Variants in MED14 observed in about 807,000 individuals in gnomAD.
The protein encoded by MED14 is mediator of RNA polymerase II transcription subunit 14.
A neutral mutation model predicts 109.0 loss-of-function variants in MED14; 8 were observed. The observed-to-expected ratio is 0.07, with a 90% CI of 0.04 to 0.13. MED14 has a LOEUF of 0.13. MED14 is among the 10% of genes least tolerant of loss of function. MED14 has a pLI of 1.00. For missense variants in MED14, 711 were observed against 1,142.4 expected (o/e 0.62, Z 5.44); for synonymous variants, 399 against 408.7 (o/e 0.98, Z 0.29).
At chrX:40,685,536 C>T (rs1474910607) in intron 16 of MED14, among the ~76,000 whole-genome samples, 1 of 112,551 alleles carries the variant, frequency 8.9e-6, no homozygotes, top group Admixed American at 9.4e-5. Context: ...AAATGAAAAA[C>T]CCTCGTGGGT....
chrX:40,718,269 T>A (rs1931607302), intron 3 of MED14, among the ~76,000 whole-genome samples: 1 of 112,073 alleles, frequency 8.9e-6, no homozygotes, highest in African/African-American at 3.2e-5. Context: ...ACTTTTTAAC[T>A]GGCTTTTACT....
chrX:40,720,285 G>A, intron 3 of MED14, among the ~76,000 whole-genome samples: 1 of 112,152 alleles, frequency 8.9e-6, no homozygotes, highest in Non-Finnish European at 1.9e-5. Context: ...GAGGAGGGCA[G>A]GAGAGGCAGT....
chrX:40,722,637 C>T (rs1179348236), intron 3 of MED14, among the ~76,000 whole-genome samples: 1 of 111,296 alleles, frequency 9.0e-6, no homozygotes, highest in East Asian at 2.8e-4. Flanking sequence ...GAACACCAAG[C>T]AGATTCAGCC....
intron 21 of MED14, among the ~76,000 whole-genome samples, chrX:40,677,951 T>C (rs1929967517): frequency 9.0e-6 from 1 of 111,663 alleles, no homozygotes; most frequent in Admixed American, 9.5e-5. Flanking sequence ...TTACAGACAA[T>C]GATTGCAACC....
chrX:40,664,390 G>C lies in MED14; in HGVS notation c.3365C>G (p.Ala1122Gly), dbSNP rs1353797360. 4 of 1,205,696 alleles carry C rather than the reference G, an allele frequency of 3.3e-6. No homozygotes were observed. Among genetic ancestry groups the C allele is most frequent in the Non-Finnish European group, 4.5e-6 (4 of 892,765 alleles). Reference protein sequence around the residue: ...SPQVSGPSPAARMPGMSPANP... With the variant: ...SPQVSGPSPAGRMPGMSPANP... Reference sequence around the variant, plus strand: ...GGCTGGTGACATTCCAGGCATGCGTGCTGCTGGTGAGGGGCCAGACACTTG... The same window carrying C: ...GGCTGGTGACATTCCAGGCATGCGTCCTGCTGGTGAGGGGCCAGACACTTG... Residue 1122 changes from alanine (A) to glycine (G), a missense_variant, in exon 25 of 31, where the codon GCA (alanine) becomes GGA (glycine). This residue lies in a region of MED14 where 100 missense variants were observed against 147.5 expected (regional missense o/e 0.68). Transcript: ENST00000324817.
chrX:40,696,680 A>T (rs751850341), intron 13 of MED14, among the ~76,000 whole-genome samples: 1 of 111,992 alleles, frequency 8.9e-6, no homozygotes, highest in Non-Finnish European at 1.9e-5. Context: ...AGGTTTCACT[A>T]TACAAGTTAA....
chrX:40,697,851 G>A (rs997710795), intron 12 of MED14, among the ~76,000 whole-genome samples: 2 of 112,036 alleles, frequency 1.8e-5, no homozygotes, highest in African/African-American at 6.5e-5. Context: ...TTGATGAATA[G>A]GGCAAAGACC....
At chrX:40,725,964 G>C (rs1931880469) in intron 3 of MED14, among the ~76,000 whole-genome samples, 1 of 111,983 alleles carries the variant, frequency 8.9e-6, no homozygotes, top group South Asian at 3.7e-4. Flanking sequence ...TATTAGAACT[G>C]ATAAATTCAG....
chrX:40,651,861 G>C lies in MED14; in HGVS notation c.4310C>G (p.Ala1437Gly). 3 of 1,198,052 alleles carry C rather than the reference G, an allele frequency of 2.5e-6. No individual in the cohort carries two copies. The highest frequency in any genetic ancestry group is 3.4e-6 in the Non-Finnish European group (3 of 888,720). ...ATTAGCCATTAAATCACGAACAGCT[G>C]CAAATATTGTGCATTCACCTGCAAC... ...PPRQGECTIFAAVRDLMANLT... is the reference protein window; with the variant it reads ...PPRQGECTIFGAVRDLMANLT... Residue 1437 changes from alanine (A) to glycine (G), a missense_variant, in exon 31 of 31, where the codon GCA becomes GGA. Physicochemically the swap from Ala to Gly is moderately conservative, Grantham distance 60 (BLOSUM62 0). Around this residue, in one of 8 missense-constraint regions of MED14, gnomAD observed 41 missense variants for 66.9 expected, o/e 0.61. Transcript: ENST00000324817.
At position 40,667,224 on chromosome X, in the gene MED14, G is replaced by A. The variant is rs73469389; in HGVS notation, c.3134-373C>T. Among the ~76,000 whole-genome samples, 709 of 112,063 alleles carry A rather than the reference G, an allele frequency of 6.3e-3. 4 individuals are homozygous for A. The highest frequency in any genetic ancestry group is 0.022 in the African/African-American group (681 of 30,834). On this transcript the variant is annotated intron_variant, in intron 23 of 30. Coordinates refer to ENST00000324817, the MANE Select transcript of MED14 (RefSeq NM_004229.4). ...CACAAAGCTTATATTCTAATAGAAT[G>A]AGAAAGACAAGTATCTGTCAGGTAA...
intron 1 of MED14, among the ~76,000 whole-genome samples, chrX:40,733,615 T>C (rs747588229): frequency 8.9e-6 from 1 of 111,964 alleles, no homozygotes; most frequent in Non-Finnish European, 1.9e-5. Context: ...TGAGAAATGG[T>C]CAGACTCTGA....
chrX:40,713,945 A>T (rs777690264), intron 4 of MED14, 38 bp from the exon 5 acceptor site: 1 of 1,174,506 alleles, frequency 8.5e-7, no homozygotes, highest in Non-Finnish European at 1.1e-6. Context: ...ATAATGTACA[A>T]ACGGGGATTT....
At chrX:40,735,125 G>A (rs1932208992) in intron 1 of MED14, 73 bp downstream of exon 1, 2 of 767,604 alleles carry the variant, frequency 2.6e-6, no homozygotes, top group African/African-American at 2.2e-5. Flanking sequence ...TCGGGGAGAG[G>A]GAGGTGCAAA....
intron 13 of MED14, among the ~76,000 whole-genome samples, chrX:40,694,065 T>C (rs1238145859): frequency 2.7e-5 from 3 of 110,770 alleles, no homozygotes; most frequent in Non-Finnish European, 5.7e-5. Context: ...ACTAGGCTAA[T>C]TTTTTGTATT....
chrX:40,668,339 C>A (rs760605674), intron 23 of MED14, among the ~76,000 whole-genome samples: 1 of 97,803 alleles, frequency 1.0e-5, no homozygotes, highest in Non-Finnish European at 2.0e-5. Flanking sequence ...GCTGAGATCA[C>A]GCCATGGCAC....
intron 6 of MED14, 129 bp from the exon 7 acceptor site, chrX:40,712,422 G>C: frequency 2.4e-6 from 1 of 425,133 alleles, no homozygotes. Flanking sequence ...ACAGAAACTT[G>C]ACATTGTACT....
intron 7 of MED14, 111 bp from the exon 8 acceptor site, chrX:40,711,412 G>A: frequency 1.8e-6 from 1 of 557,191 alleles, no homozygotes; most frequent in Non-Finnish European, 2.7e-6. Flanking sequence ...AAAAATTTCT[G>A]AAGAAAATTT....
rs376904249 is a variant in MED14 at position 40,670,653 on chromosome X, C to T, written c.3133+1208G>A. 9.2e-5 allele frequency among the ~76,000 whole-genome samples: 10 copies of T among 109,004 alleles called. No homozygotes were observed. The South Asian group carries it at 2.0e-3, about 21-fold the overall frequency. The allele number at this position is 109,004 out of a possible 115,157, so 94.7% of individuals were successfully genotyped here. ...GCGGGCGCCTGTAGTCCCAGCTACT[C>T]GGGAGGCTGAGGCAGGAGAATGGCG... On this transcript the variant is annotated intron_variant, in intron 23 of 30. Coordinates refer to ENST00000324817, the MANE Select transcript of MED14 (RefSeq NM_004229.4).
chrX:40,700,532 C>T (rs758110355), intron 12 of MED14, among the ~76,000 whole-genome samples: 78 of 110,402 alleles, frequency 7.1e-4, no homozygotes, highest in Non-Finnish European at 1.3e-3. Context: ...GCCCCCCCAC[C>T]GCCTTCTCCA....
Sources: gnomAD v4.1 joint callset for allele counts (sites outside exome capture counted in the v4.1 genomes callset) on GRCh38, gnomAD v4.1.1 for gene constraint, gnomAD v4.1.1 regional missense constraint, MANE v1.5 for transcripts, NCBI Gene and HGNC (gene_info 2026-07-23, HGNC 2026-07-21) for gene names.